ALCAM: variants seen among roughly 807,000 people sequenced by gnomAD.
The protein encoded by ALCAM is CD166 antigen.
A neutral mutation model predicts 70.9 loss-of-function variants in ALCAM; 30 were observed. The ratio of observed to expected loss-of-function variants is 0.42; its 90% confidence interval spans 0.32 to 0.57. The LOEUF (loss-of-function observed/expected upper bound fraction) is 0.57, where lower values mean the gene tolerates loss of function less well. ALCAM is among the 20% of genes least tolerant of loss of function. The pLI is 0.11. For missense variants in ALCAM, 591 were observed against 695.1 expected, an observed-to-expected ratio of 0.85 and a Z score of 1.68; for synonymous variants, 249 against 242.5, an observed-to-expected ratio of 1.03 and a Z score of -0.25.
intron 1 of ALCAM, among the ~76,000 whole-genome samples, chr3:105,474,699 C>T (rs1483863637): frequency 6.6e-6 from 1 of 151,478 alleles, no homozygotes; most frequent in Non-Finnish European, 1.5e-5. Context: ...AAGTGAGATC[C>T]ATCTACTACT....
intron 1 of ALCAM, among the ~76,000 whole-genome samples, chr3:105,517,904 T>C (rs1382979520): frequency 2.6e-5 from 4 of 152,148 alleles, no homozygotes; most frequent in African/African-American, 4.8e-5. Context: ...CTAGGCGTTG[T>C]TTCTGGAGAT....
intron 1 of ALCAM, among the ~76,000 whole-genome samples, chr3:105,512,011 A>G (rs1474797405): frequency 2.0e-5 from 3 of 152,036 alleles, no homozygotes; most frequent in Admixed American, 6.6e-5. Flanking sequence ...AATACAGTTC[A>G]TGTAAGCTAT....
chr3:105,525,420 T>C (rs1939676463), intron 3 of ALCAM: 2 of 929,174 alleles, frequency 2.2e-6, no homozygotes, highest in Non-Finnish European at 2.6e-6. Context: ...TTCACAATAT[T>C]TTAGACACTA....
intron 1 of ALCAM, among the ~76,000 whole-genome samples, chr3:105,394,743 T>C (rs752350171): frequency 4.6e-5 from 7 of 151,960 alleles, no homozygotes; most frequent in Non-Finnish European, 8.8e-5. Flanking sequence ...ATCTGCAAAA[T>C]TGTTTAGGCA....
At chr3:105,564,782 A>T (rs1285246739) in intron 14 of ALCAM, among the ~76,000 whole-genome samples, 1 of 152,216 alleles carries the variant, frequency 6.6e-6, no homozygotes, top group Non-Finnish European at 1.5e-5. Flanking sequence ...TGGGTGGCTC[A>T]CACTTGTAAT....
At chr3:105,455,819 A>T (rs1014160356) in intron 1 of ALCAM, among the ~76,000 whole-genome samples, 1 of 152,216 alleles carries the variant, frequency 6.6e-6, no homozygotes, top group African/African-American at 2.4e-5. Context: ...TAAGTAGGCC[A>T]GGCTTCACAC....
At chr3:105,563,366 T>G (rs1027470604) in intron 14 of ALCAM, among the ~76,000 whole-genome samples, 2 of 9,918 alleles carry the variant, frequency 2.0e-4, no homozygotes, top group Non-Finnish European at 0.011. Flanking sequence ...TCAAATAACT[T>G]TTTGCTTTTT....
chr3:105,517,654 G>A (rs1939418353), intron 1 of ALCAM, among the ~76,000 whole-genome samples: 1 of 152,090 alleles, frequency 6.6e-6, no homozygotes, highest in Non-Finnish European at 1.5e-5. Flanking sequence ...TTCCATCTGT[G>A]AATTCCTATA....
chr3:105,404,333 C>T (rs550646463), intron 1 of ALCAM, among the ~76,000 whole-genome samples: 25 of 152,150 alleles, frequency 1.6e-4, no homozygotes, highest in South Asian at 6.2e-4. Flanking sequence ...AGCTGTGAGG[C>T]AAAAGCATCA....
chr3:105,428,843 G>C lies in ALCAM; in HGVS notation c.73+61362G>C, dbSNP rs192411204. 1.6e-4 allele frequency among the ~76,000 whole-genome samples: 25 copies of C among 151,986 alleles called. No homozygotes were observed. In the East Asian group the frequency reaches 2.1e-3, roughly 13 times the overall value. Reference sequence around the variant, plus strand: ...AATGTGGTGCTACTAGCCTGGAATTGGTATGAATAAGCCCTTTAAAAAAGA... The same window carrying C: ...AATGTGGTGCTACTAGCCTGGAATTCGTATGAATAAGCCCTTTAAAAAAGA... On this transcript the variant is annotated intron_variant, in intron 1 of 15. Coordinates refer to ENST00000306107, the MANE Select transcript of ALCAM (RefSeq NM_001627.4).
At chr3:105,494,561 T>C (rs1039523773) in intron 1 of ALCAM, among the ~76,000 whole-genome samples, 1 of 152,108 alleles carries the variant, frequency 6.6e-6, no homozygotes, top group Non-Finnish European at 1.5e-5. Flanking sequence ...CCTGCTGATT[T>C]TGTCAGACAA....
chr3:105,529,929 A>C (rs1474643563), intron 3 of ALCAM, among the ~76,000 whole-genome samples: 1 of 152,118 alleles, frequency 6.6e-6, no homozygotes, highest in African/African-American at 2.4e-5. Context: ...AAGTAGTGAA[A>C]CTTGGCAAAG....
chr3:105,449,876 T>C (rs1187092979), intron 1 of ALCAM, among the ~76,000 whole-genome samples: 2 of 152,194 alleles, frequency 1.3e-5, no homozygotes, highest in Admixed American at 1.3e-4. Context: ...TCAACAGCAA[T>C]ATACTACTTT....
chr3:105,521,019 C>T (rs1035299698), intron 2 of ALCAM, among the ~76,000 whole-genome samples: 1 of 152,102 alleles, frequency 6.6e-6, no homozygotes, highest in Non-Finnish European at 1.5e-5. Flanking sequence ...AAGTTTATTG[C>T]GGCCGGGCGC....
chr3:105,507,737 T>G (rs1297604642), intron 1 of ALCAM, among the ~76,000 whole-genome samples: 1 of 152,254 alleles, frequency 6.6e-6, no homozygotes, highest in African/African-American at 2.4e-5. Context: ...GTTCAGGTTT[T>G]TGTGTGGACA....
intron 1 of ALCAM, among the ~76,000 whole-genome samples, chr3:105,511,232 A>G (rs1015440447): frequency 6.6e-6 from 1 of 152,044 alleles, no homozygotes; most frequent in Admixed American, 6.6e-5. Flanking sequence ...GCAAGCTACA[A>G]TGAGCATGAC....
At chr3:105,497,025 C>T (rs928888836) in intron 1 of ALCAM, among the ~76,000 whole-genome samples, 8 of 152,096 alleles carry the variant, frequency 5.3e-5, no homozygotes, top group South Asian at 2.1e-4. Context: ...AAAGAAAAAA[C>T]GTCTTTACTC....
chr3:105,504,889 G>T (rs1230650705), intron 1 of ALCAM, among the ~76,000 whole-genome samples: 6 of 152,058 alleles, frequency 3.9e-5, no homozygotes, highest in African/African-American at 1.4e-4. Flanking sequence ...TCCCCCTTCT[G>T]TATCATTTAA....
At chr3:105,542,877 C>G (rs1940158052) in intron 8 of ALCAM, among the ~76,000 whole-genome samples, 1 of 151,708 alleles carries the variant, frequency 6.6e-6, no homozygotes, top group Non-Finnish European at 1.5e-5. Flanking sequence ...CCATTTACTC[C>G]TTGCTTATGT....
Sources: allele counts gnomAD v4.1 joint callset (sites outside exome capture counted in the v4.1 genomes callset), GRCh38; gene constraint gnomAD v4.1.1; transcripts MANE v1.5; gene names NCBI Gene and HGNC (gene_info 2026-07-23, HGNC 2026-07-21).